The following ESR1 variants were observed in gnomAD, a reference collection of about 807,000 sequenced individuals.
The protein encoded by ESR1 is estrogen receptor 1.
A neutral mutation model predicts 52.7 loss-of-function variants in ESR1; 12 were observed. That is an observed-to-expected ratio of 0.23 (90% CI 0.15 to 0.37). The LOEUF is 0.37. Ranked by LOEUF, ESR1 falls within the 10% of genes least tolerant of loss-of-function variation. The pLI, the probability that ESR1 is intolerant of heterozygous loss-of-function variation, is 1.00. For synonymous variants in ESR1, 305 were observed against 316.8 expected (o/e 0.96, Z 0.39); for missense variants, 584 against 779.7 (o/e 0.75, Z 2.99).
intron 6 of ESR1, among the ~76,000 whole-genome samples, chr6:152,077,144 GTGCAGCCTAGGAACT>G (rs1026052774): frequency 6.6e-6 from 1 of 152,144 alleles, no homozygotes; most frequent in African/African-American, 2.4e-5. Context: ...CCCATGCTGT[GTGCAGCCTAGGAACT>G]TGGTGCCCTG....
intron 5 of ESR1, among the ~76,000 whole-genome samples, chr6:152,056,991 C>T (rs1270584597): frequency 2.0e-5 from 3 of 152,084 alleles, no homozygotes; most frequent in Admixed American, 6.6e-5. Flanking sequence ...TTTCTGATGC[C>T]GTTGATCCAT....
chr6:151,878,598 T>G (rs1298557839), intron 2 of ESR1, among the ~76,000 whole-genome samples: 1 of 152,184 alleles, frequency 6.6e-6, no homozygotes, highest in African/African-American at 2.4e-5. Context: ...AGTTAAAACA[T>G]TTCACTGCAT....
At chr6:152,097,736 C>CCCT (rs2050734889) in intron 7 of ESR1, among the ~76,000 whole-genome samples, 3 of 151,764 alleles carry the variant, frequency 2.0e-5, no homozygotes, top group African/African-American at 4.8e-5. Context: ...GCCCATTTCC[C>CCCT]GCTGCCCATT....
At chr6:151,789,186 G>A (rs1787299202) in intron 2 of ESR1, among the ~76,000 whole-genome samples, 1 of 152,208 alleles carries the variant, frequency 6.6e-6, no homozygotes, top group South Asian at 2.1e-4. Context: ...CAATTAGTGG[G>A]AATGTAAATT....
At chr6:151,914,542 A>G (rs1798747842) in intron 3 of ESR1, among the ~76,000 whole-genome samples, 1 of 152,230 alleles carries the variant, frequency 6.6e-6, no homozygotes, top group East Asian at 1.9e-4. Flanking sequence ...TGGGTTAACA[A>G]GCTCACAAGG....
In ESR1 at chr6:152,013,379, T is replaced by G. The variant is rs77131440; in HGVS notation, c.1235+1585T>G. ...CCTACTGCCTGGAGTGTCTACCATGTTTAGGTTTTTGGACATTCATAACTC... is the reference window on the plus strand; with the variant it reads ...CCTACTGCCTGGAGTGTCTACCATGGTTAGGTTTTTGGACATTCATAACTC... On this transcript the variant is annotated intron_variant, in intron 5 of 7. Coordinates refer to ENST00000206249, the MANE Select transcript of ESR1 (RefSeq NM_000125.4). 3.2e-4 allele frequency among the ~76,000 whole-genome samples: 48 copies of G among 152,270 alleles called. 1 individual carries two copies. In the East Asian group the frequency reaches 9.1e-3, roughly 29 times the overall value.
chr6:151,880,417 G>T (rs12207459), intron 2 of ESR1, among the ~76,000 whole-genome samples: 11 of 151,874 alleles, frequency 7.2e-5, no homozygotes, highest in Non-Finnish European at 1.3e-4. Flanking sequence ...TCCTGACGTC[G>T]TGATCCACCT....
chr6:151,727,694 C>G (rs1781948524), intron 2 of ESR1, among the ~76,000 whole-genome samples: 1 of 152,190 alleles, frequency 6.6e-6, no homozygotes, highest in Non-Finnish European at 1.5e-5. Flanking sequence ...ATAACCCCCA[C>G]TTGTCTAGGG....
chr6:152,079,245 C>T (rs987767984), intron 6 of ESR1, among the ~76,000 whole-genome samples: 2 of 152,190 alleles, frequency 1.3e-5, no homozygotes, highest in African/African-American at 2.4e-5. Flanking sequence ...CCGACAGACA[C>T]TTCAAACAGG....
intron 3 of ESR1, among the ~76,000 whole-genome samples, chr6:151,900,105 A>G (rs1796451906): frequency 6.6e-6 from 1 of 152,240 alleles, no homozygotes; most frequent in African/African-American, 2.4e-5. Flanking sequence ...CCTGGGCACC[A>G]TTGAGCACTG....
intron 4 of ESR1, among the ~76,000 whole-genome samples, chr6:151,998,449 C>T (rs1379955133): frequency 6.6e-6 from 1 of 151,884 alleles, no homozygotes; most frequent in African/African-American, 2.4e-5. Context: ...TGAAAAGCAC[C>T]GTGCTGGGTT....
intron 3 of ESR1, among the ~76,000 whole-genome samples, chr6:151,917,567 T>A (rs978629266): frequency 4.6e-5 from 7 of 152,208 alleles, no homozygotes; most frequent in Non-Finnish European, 8.8e-5. Flanking sequence ...AGAACACATG[T>A]GGATGCTACT....
At chr6:151,899,425 T>C (rs1584060028) in intron 3 of ESR1, among the ~76,000 whole-genome samples, 3 of 116,876 alleles carry the variant, frequency 2.6e-5, no homozygotes, top group Non-Finnish European at 5.3e-5. Flanking sequence ...TAGGGGCGGC[T>C]GGGCAGAGGC....
intron 2 of ESR1, among the ~76,000 whole-genome samples, chr6:151,868,341 T>A (rs1790342393): frequency 6.6e-6 from 1 of 152,154 alleles, no homozygotes; most frequent in Admixed American, 6.5e-5. Flanking sequence ...TTGGCCAGGC[T>A]GGTTTTGAAC....
chr6:151,772,850 G>A (rs559309729), intron 2 of ESR1, among the ~76,000 whole-genome samples: 2 of 152,300 alleles, frequency 1.3e-5, no homozygotes, highest in East Asian at 3.9e-4. Flanking sequence ...AGCCTTACTA[G>A]TAGTCTTACC....
chr6:151,921,295 T>C (rs1002167187), intron 3 of ESR1, among the ~76,000 whole-genome samples: 2 of 152,210 alleles, frequency 1.3e-5, no homozygotes, highest in African/African-American at 4.8e-5. Flanking sequence ...TAGTATTCCA[T>C]GGGGTTTATG....
At chr6:152,044,265 G>A (rs2046043063) in intron 5 of ESR1, among the ~76,000 whole-genome samples, 1 of 152,196 alleles carries the variant, frequency 6.6e-6, no homozygotes, top group Admixed American at 6.5e-5. Context: ...ACTATTAGAA[G>A]TAGAGTCCCT....
intron 2 of ESR1, among the ~76,000 whole-genome samples, chr6:151,735,569 T>A (rs1782581558): frequency 1.3e-5 from 2 of 152,152 alleles, no homozygotes; most frequent in African/African-American, 4.8e-5. Context: ...GTTTTTGTTT[T>A]TTTTTTCATT....
At chr6:151,919,698 C>T (rs2031191358) in intron 3 of ESR1, among the ~76,000 whole-genome samples, 1 of 152,132 alleles carries the variant, frequency 6.6e-6, no homozygotes, top group Non-Finnish European at 1.5e-5. Context: ...TTGATAAGTG[C>T]TCTGAAGGAG....
Sources: gnomAD v4.1 joint callset for allele counts (sites outside exome capture counted in the v4.1 genomes callset) on GRCh38, gnomAD v4.1.1 for gene constraint, MANE v1.5 for transcripts, NCBI Gene and HGNC (gene_info 2026-07-23, HGNC 2026-07-21) for gene names.